FBXL17: variants seen among roughly 807,000 people sequenced by gnomAD.
FBXL17 encodes F-box/LRR-repeat protein 17.
In FBXL17, 22 loss-of-function variants were observed where a neutral mutation model predicts 66.2. That is an observed-to-expected ratio of 0.33 (90% confidence interval 0.24 to 0.47). The LOEUF (loss-of-function observed/expected upper bound fraction) is 0.47, where lower values mean the gene tolerates loss of function less well. FBXL17 is among the 20% of genes least tolerant of loss of function. FBXL17 has a pLI of 1.00. For missense variants in FBXL17, 878 were observed against 948.2 expected, an observed-to-expected ratio of 0.93 and a Z score of 0.97; for synonymous variants, 474 against 400.5, an observed-to-expected ratio of 1.18 and a Z score of -2.19.
At chr5:107,879,756 A>T (rs1748722388) in intron 8 of FBXL17, 1 of 985,348 alleles carries the variant, frequency 1.0e-6, no homozygotes, top group East Asian at 1.1e-4. Context: ...CATTTACAAA[A>T]GTAGCACACA....
intron 5 of FBXL17, among the ~76,000 whole-genome samples, chr5:108,203,128 A>G (rs551782805): frequency 1.3e-5 from 2 of 152,246 alleles, no homozygotes; most frequent in Admixed American, 6.5e-5. Context: ...TAAGTATGTC[A>G]GGACTAACAA....
At chr5:108,230,955 A>G (rs1580658497) in intron 4 of FBXL17, among the ~76,000 whole-genome samples, 2 of 152,100 alleles carry the variant, frequency 1.3e-5, no homozygotes, top group East Asian at 3.9e-4. Context: ...TTTTTTTAAA[A>G]AAAAGCAAAA....
intron 4 of FBXL17, among the ~76,000 whole-genome samples, chr5:108,311,844 AAG>A (rs1759135127): frequency 6.6e-6 from 1 of 152,226 alleles, no homozygotes; most frequent in East Asian, 1.9e-4. Context: ...GAAAGAGAAG[AAG>A]AGAGATAATG....
chr5:108,149,293 TTTTAA>T (rs1486956322), intron 6 of FBXL17, among the ~76,000 whole-genome samples: 2 of 152,260 alleles, frequency 1.3e-5, no homozygotes, highest in African/African-American at 2.4e-5. Context: ...GAGAAAAATC[TTTTAA>T]TTTTTTATTT....
At chr5:108,193,448 G>GA (rs1444481287) in intron 5 of FBXL17, among the ~76,000 whole-genome samples, 2 of 152,168 alleles carry the variant, frequency 1.3e-5, no homozygotes, top group African/African-American at 2.4e-5. Flanking sequence ...TGCTGGGAAT[G>GA]AAAAGAAAAG....
intron 7 of FBXL17, among the ~76,000 whole-genome samples, chr5:108,007,922 C>T (rs1048712867): frequency 2.6e-5 from 4 of 152,052 alleles, no homozygotes; most frequent in South Asian, 2.1e-4. Context: ...GTTCCTCCAC[C>T]GAATGATGAA....
At chr5:108,321,926 C>T (rs1257914341) in intron 4 of FBXL17, among the ~76,000 whole-genome samples, 1 of 151,710 alleles carries the variant, frequency 6.6e-6, no homozygotes, top group East Asian at 1.9e-4. Context: ...AAAAGAAACC[C>T]AAACGGTTTT....
chr5:108,376,684 T>C (rs1441821176), intron 1 of FBXL17, among the ~76,000 whole-genome samples: 1 of 152,234 alleles, frequency 6.6e-6, no homozygotes, highest in East Asian at 1.9e-4. Flanking sequence ...ATTAACTGCT[T>C]TCTTTTTCCC....
At chr5:108,110,303 CTATT>C (rs1749979577) in intron 6 of FBXL17, among the ~76,000 whole-genome samples, 1 of 152,058 alleles carries the variant, frequency 6.6e-6, no homozygotes, top group Non-Finnish European at 1.5e-5. Flanking sequence ...GTAATATAGT[CTATT>C]TATTTATATT....
intron 3 of FBXL17, among the ~76,000 whole-genome samples, chr5:108,355,367 C>A (rs1280862452): frequency 6.6e-6 from 1 of 151,884 alleles, no homozygotes; most frequent in African/African-American, 2.4e-5. Flanking sequence ...TGGCTCACTG[C>A]AACCTCCGCC....
chr5:107,915,091 A>G (rs1313763561), intron 7 of FBXL17, among the ~76,000 whole-genome samples: 1 of 152,184 alleles, frequency 6.6e-6, no homozygotes, highest in East Asian at 1.9e-4. Context: ...CTACTTTCTT[A>G]CTATAATTGC....
rs569909406 is a variant in FBXL17 at position 107,970,851 on chromosome 5, G to A, written c.1822+50074C>T. Among the ~76,000 whole-genome samples the A allele has an allele frequency of 1.5e-4, 23 of 152,264 alleles. 1 individual carries two copies. In the South Asian group the frequency reaches 2.5e-3, roughly 16 times the overall value. Reference sequence around the variant, plus strand: ...GCCAAGTTCCCTGCAGGTGCTCCCCGTGTTAGAAAAGCCCAGAGAAAAATG... The same window carrying A: ...GCCAAGTTCCCTGCAGGTGCTCCCCATGTTAGAAAAGCCCAGAGAAAAATG... On this transcript the variant is annotated intron_variant, in intron 7 of 8. Coordinates refer to ENST00000542267, the MANE Select transcript of FBXL17 (RefSeq NM_001163315.3).
At position 107,910,158 on chromosome 5, in the gene FBXL17, C is replaced by T. The variant is rs548088606; in HGVS notation, c.1823-28979G>A. Among the ~76,000 whole-genome samples, 10 of 151,382 alleles carry T rather than the reference C, an allele frequency of 6.6e-5. No individual in the cohort carries two copies. The East Asian group carries it at 1.6e-3, about 24-fold the overall frequency. ...TTATCTGGGGTGGGTAAAGGCCTGG[C>T]CATGGGGGATTAGGGGACAAACTAT... On this transcript the variant is annotated intron_variant, in intron 7 of 8. Transcript: ENST00000542267.
intron 1 of FBXL17, among the ~76,000 whole-genome samples, chr5:108,378,853 T>C (rs1354566568): frequency 3.3e-5 from 5 of 152,224 alleles, no homozygotes; most frequent in Admixed American, 6.5e-5. Flanking sequence ...AAACTGGGGT[T>C]GGCAGACACT....
intron 6 of FBXL17, among the ~76,000 whole-genome samples, chr5:108,061,355 C>A (rs987149876): frequency 6.6e-6 from 1 of 151,862 alleles, no homozygotes. Context: ...AATAATTATC[C>A]ACATTTCTCT....
intron 7 of FBXL17, among the ~76,000 whole-genome samples, chr5:107,884,981 T>A (rs1748916441): frequency 6.6e-6 from 1 of 152,226 alleles, no homozygotes; most frequent in Admixed American, 6.5e-5. Context: ...ATATAAATAC[T>A]TAGTCATTAT....
At chr5:108,338,044 AATGAGT>A (rs1746628048) in intron 4 of FBXL17, among the ~76,000 whole-genome samples, 1 of 152,096 alleles carries the variant, frequency 6.6e-6, no homozygotes, top group Non-Finnish European at 1.5e-5. Context: ...ATATTAATAG[AATGAGT>A]ATATGTGTAT....
At chr5:108,298,671 A>T in intron 4 of FBXL17, 1 of 837,160 alleles carries the variant, frequency 1.2e-6, no homozygotes, top group Non-Finnish European at 1.4e-6. Context: ...ATAGTAATAT[A>T]CTATCTTCCT....
intron 6 of FBXL17, among the ~76,000 whole-genome samples, chr5:108,170,255 A>G (rs539150276): frequency 9.9e-5 from 15 of 152,178 alleles, no homozygotes; most frequent in Non-Finnish European, 1.8e-4. Context: ...ATACCATAAT[A>G]AATCATGGAG....
Sources: gnomAD v4.1 joint callset for allele counts (sites outside exome capture counted in the v4.1 genomes callset) on GRCh38, gnomAD v4.1.1 for gene constraint, MANE v1.5 for transcripts, NCBI Gene and HGNC (gene_info 2026-07-23, HGNC 2026-07-21) for gene names.